Variants in HTRA1 observed in about 807,000 individuals in gnomAD.
HTRA1 encodes serine protease HTRA1.
A neutral mutation model predicts 49.7 loss-of-function variants in HTRA1; 26 were observed. That is an observed-to-expected ratio of 0.52 (90% confidence interval 0.38 to 0.73). The LOEUF (loss-of-function observed/expected upper bound fraction) is 0.73, where lower values mean the gene tolerates loss of function less well. HTRA1 is among the 30% of genes least tolerant of loss of function. The probability of loss-of-function intolerance (pLI) is 0.00; values close to 1 mark genes in which losing one functional copy is unlikely to be tolerated. For missense variants in HTRA1, 561 were observed against 667.2 expected, an observed-to-expected ratio of 0.84 and a Z score of 1.75; for synonymous variants, 291 against 286.9, an observed-to-expected ratio of 1.01 and a Z score of -0.14.
At position 122,488,966 on chromosome 10, in the gene HTRA1, C is replaced by T. The variant is rs148762811; in HGVS notation, c.537C>T (p.Ile179=). 103 of 1,613,892 alleles carry T rather than the reference C, an allele frequency of 6.4e-5. No individual in the cohort carries two copies. Among genetic ancestry groups the T allele is most frequent in the South Asian group, 3.6e-4 (33 of 91,068 alleles). Residue 179 remains isoleucine (I), a synonymous_variant, in exon 2 of 9, where the codon ATC becomes ATT. Coordinates refer to ENST00000368984, the MANE Select transcript of HTRA1 (RefSeq NM_002775.5). ...YNFIADVVEK[I]APAVVHIELF... ...TTATCGCGGACGTGGTGGAGAAGAT[C>T]GCCCCTGCCGTGGTTCATATCGAAT... is the stretch of plus-strand genomic sequence containing the variant.
rs1468343444 is a variant in HTRA1 at position 122,510,112 on chromosome 10, G to A, written c.1137G>A (p.Lys379=). The A allele has an allele frequency of 6.2e-7, 1 of 1,613,920 alleles. No homozygotes were observed. The highest frequency in any genetic ancestry group is 2.2e-5 in the East Asian group (1 of 44,884). ...TCTCACCAGGAAAAGCCATCACCAA[G>A]AAGAAGTATATTGGTATCCGAATGA... ...DRQAKGKAIT[K]KKYIGIRMMS... Residue 379 remains lysine, a synonymous_variant, in exon 7 of 9, where the codon AAG becomes AAA. Coordinates refer to ENST00000368984, the MANE Select transcript of HTRA1 (RefSeq NM_002775.5).
At chr10:122,483,858 A>T (rs1418413100) in intron 1 of HTRA1, among the ~76,000 whole-genome samples, 5 of 152,218 alleles carry the variant, frequency 3.3e-5, no homozygotes, top group African/African-American at 4.8e-5. Context: ...TATTTTAAAA[A>T]TTTTGATTCC....
chr10:122,509,629 G>A (rs1013897495), intron 6 of HTRA1, among the ~76,000 whole-genome samples: 5 of 152,208 alleles, frequency 3.3e-5, no homozygotes, highest in African/African-American at 1.2e-4. Context: ...TTTAAGAACA[G>A]GGAAGTTTAT....
intron 8 of HTRA1, 35 bp from the exon 9 acceptor site, chr10:122,514,156 G>A (rs376215705): frequency 4.7e-5 from 75 of 1,606,324 alleles, no homozygotes; most frequent in African/African-American, 6.7e-5. Flanking sequence ...ATGGAAACAC[G>A]AAACATTGCC....
Position 122,494,631 on chromosome 10 carries a change from C to A in HTRA1, c.777+5005C>A, listed in dbSNP as rs1193176590. On this transcript the variant is annotated intron_variant, in intron 3 of 8. Transcript: ENST00000368984. The surrounding 1 kb of genome is among the most constrained non-coding windows in gnomAD (Gnocchi z 4.0). ...CTTGTGAGGTGGTTTTCCTCCCTCC[C>A]CTGTAGGCCTGCGCCACCCCCCCAA... is the stretch of plus-strand genomic sequence containing the variant. 2.0e-5 allele frequency among the ~76,000 whole-genome samples: 3 copies of A among 152,134 alleles called. No individual in the cohort carries two copies. The highest frequency in any genetic ancestry group is 7.2e-5 in the African/African-American group (3 of 41,450).
At chr10:122,510,541 G>A (rs2097505123) in intron 7 of HTRA1, among the ~76,000 whole-genome samples, 1 of 152,168 alleles carries the variant, frequency 6.6e-6, no homozygotes, top group South Asian at 2.1e-4. Context: ...CGCAGCTCTA[G>A]GCACTCTGCT....
rs2097494432 is a variant in HTRA1 at position 122,488,978 on chromosome 10, G to A, written c.549G>A (p.Val183=). The A allele has an allele frequency of 6.2e-7, 1 of 1,613,844 alleles. No homozygotes were observed. Among genetic ancestry groups the A allele is most frequent in the Non-Finnish European group, 8.5e-7 (1 of 1,179,774 alleles). Residue 183 remains valine, a synonymous_variant, in exon 2 of 9, where the codon GTG becomes GTA. Transcript: ENST00000368984. ...TGGTGGAGAAGATCGCCCCTGCCGT[G>A]GTTCATATCGAATTGTTTCGCAAGT... ...ADVVEKIAPA[V]VHIELFRKLP...
chr10:122,467,251 G>A (rs1347901002), intron 1 of HTRA1, among the ~76,000 whole-genome samples: 1 of 152,152 alleles, frequency 6.6e-6, no homozygotes, highest in Non-Finnish European at 1.5e-5. Flanking sequence ...CAGTGGGTGA[G>A]GGTTCCTTGG....
At chr10:122,509,821 G>C (rs2097504788) in intron 6 of HTRA1, among the ~76,000 whole-genome samples, 1 of 152,096 alleles carries the variant, frequency 6.6e-6, no homozygotes, top group African/African-American at 2.4e-5. Context: ...AGATATATAT[G>C]GGGGGTAGAG....
chr10:122,499,120 C>T (rs2097499882), intron 3 of HTRA1, among the ~76,000 whole-genome samples: 2 of 152,124 alleles, frequency 1.3e-5, no homozygotes, highest in African/African-American at 4.8e-5. Context: ...ATCCAGGTAC[C>T]TAATGCACCC....
intron 7 of HTRA1, among the ~76,000 whole-genome samples, chr10:122,511,296 G>A (rs2097505456): frequency 6.6e-6 from 1 of 152,156 alleles, no homozygotes; most frequent in Non-Finnish European, 1.5e-5. Flanking sequence ...CCATTTTGCA[G>A]GTGAGGAAAT....
chr10:122,502,115 T>C lies in HTRA1; in HGVS notation c.778-4576T>C, dbSNP rs150260093. On this transcript the variant is annotated intron_variant, in intron 3 of 8. Transcript: ENST00000368984. ...CCCATGGTGAGGGAGGTGGACTTTGTGTTTTCTTACTGCTCTGTGTCCTGG... is the reference window on the plus strand; with the variant it reads ...CCCATGGTGAGGGAGGTGGACTTTGCGTTTTCTTACTGCTCTGTGTCCTGG... Among the ~76,000 whole-genome samples the C allele has an allele frequency of 7.2e-5, 11 of 151,986 alleles. No homozygotes were observed. In the East Asian group the frequency reaches 2.1e-3, roughly 29 times the overall value.
intron 5 of HTRA1, 99 bp from the exon 6 acceptor site, chr10:122,508,557 G>A (rs1056555658): frequency 1.4e-5 from 12 of 855,284 alleles, no homozygotes; most frequent in Non-Finnish European, 2.4e-5. Context: ...TTCGATCTCT[G>A]AAATAGCTCA....
chr10:122,486,611 G>C (rs140919105), intron 1 of HTRA1, among the ~76,000 whole-genome samples: 1 of 152,174 alleles, frequency 6.6e-6, no homozygotes, highest in Non-Finnish European at 1.5e-5. Flanking sequence ...TCGTGACCCA[G>C]TGCAGCAGGG....
chr10:122,468,900 A>C (rs1451514233), intron 1 of HTRA1, among the ~76,000 whole-genome samples: 1 of 152,178 alleles, frequency 6.6e-6, no homozygotes, highest in African/African-American at 2.4e-5. Context: ...TTAAGGAAGG[A>C]AAAAAAGGCA....
intron 1 of HTRA1, among the ~76,000 whole-genome samples, chr10:122,484,820 C>T (rs2133435493): frequency 6.6e-6 from 1 of 152,354 alleles, no homozygotes; most frequent in South Asian, 2.1e-4. Context: ...CAGCCTTCTC[C>T]TCATGCTGAT....
At chr10:122,503,928 G>A (rs888807665) in intron 3 of HTRA1, among the ~76,000 whole-genome samples, 28 of 152,276 alleles carry the variant, frequency 1.8e-4, no homozygotes, top group African/African-American at 6.3e-4. Flanking sequence ...GGCTACTTAC[G>A]TAGCCACATT....
chr10:122,471,458 C>A (rs776086364), intron 1 of HTRA1, among the ~76,000 whole-genome samples: 1 of 152,306 alleles, frequency 6.6e-6, no homozygotes, highest in South Asian at 2.1e-4. Context: ...CTGCTCCGAC[C>A]TTTCACACCC....
chr10:122,472,767 C>T (rs192589725), intron 1 of HTRA1, among the ~76,000 whole-genome samples: 4 of 152,222 alleles, frequency 2.6e-5, no homozygotes, highest in Admixed American at 2.6e-4. Flanking sequence ...CCATTTGGGC[C>T]AAGGTTGCAA....
Sources: allele counts gnomAD v4.1 joint callset (sites outside exome capture counted in the v4.1 genomes callset), GRCh38; gene constraint gnomAD v4.1.1; non-coding constraint Gnocchi (gnomAD v3.1); transcripts MANE v1.5; gene names NCBI Gene and HGNC (gene_info 2026-07-23, HGNC 2026-07-21).